Variants in USP47 observed in about 807,000 individuals in gnomAD.
USP47 encodes the protein ubiquitin carboxyl-terminal hydrolase 47.
In USP47, 35 loss-of-function variants were observed where a neutral mutation model predicts 165.1. That is an observed-to-expected ratio of 0.21 (90% CI 0.16 to 0.28). USP47 has a LOEUF of 0.28. USP47 is among the 10% of genes least tolerant of loss of function. The pLI is 1.00. For synonymous variants in USP47, 531 were observed against 544.5 expected (o/e 0.98, Z 0.35); for missense variants, 1,277 against 1,607.4 (o/e 0.79, Z 3.52).
chr11:11,842,166 A>T lies in USP47; in HGVS notation c.-20A>T, dbSNP rs948246137. ...TCCACCCTCCCCCGGCAGGGCGGAG[A>T]GGAGCGGCCGGAGTCAGCGATGGTG... On this transcript the variant is annotated 5_prime_UTR_variant, in exon 1 of 28. Coordinates refer to ENST00000527733, the MANE Select transcript of USP47 (RefSeq NM_001282659.2). 3.2e-6 allele frequency: 5 copies of T among 1,551,978 alleles called. No homozygotes were observed. The highest frequency in any genetic ancestry group is 4.4e-6 in the Non-Finnish European group (5 of 1,146,984).
intron 17 of USP47, 56 bp downstream of exon 17, chr11:11,936,566 G>T (rs981111598): frequency 1.7e-5 from 19 of 1,107,782 alleles, no homozygotes; most frequent in East Asian, 6.1e-5. Context: ...TCATGAGAAA[G>T]TTTTTTTTTT....
In USP47 at chr11:11,942,660, C is replaced by T. The variant is rs1855557860; in HGVS notation, c.2639C>T (p.Thr880Ile). ...GATAATGGGGACAGCAGCAAAAGTACTGAGACAAGTGACTTTGAAAACATC... is the reference window on the plus strand; with the variant it reads ...GATAATGGGGACAGCAGCAAAAGTATTGAGACAAGTGACTTTGAAAACATC... Reference protein sequence around the residue: ...DGDNGDSSKSTETSDFENIES... With the variant: ...DGDNGDSSKSIETSDFENIES... The change falls in exon 20 of 28, where the codon ACT (threonine) becomes ATT (isoleucine). Residue 880 changes from threonine to isoleucine, a missense_variant. By Grantham distance (89) the Thr-to-Ile change is moderately conservative. Transcript: ENST00000527733. 1 of 1,613,336 alleles carries T rather than the reference C, an allele frequency of 6.2e-7. No individual in the cohort carries two copies. The highest frequency in any genetic ancestry group is 1.3e-5 in the African/African-American group (1 of 74,902).
intron 2 of USP47, among the ~76,000 whole-genome samples, chr11:11,884,133 G>T (rs1851005612): frequency 6.6e-6 from 1 of 151,914 alleles, no homozygotes; most frequent in African/African-American, 2.4e-5. Flanking sequence ...ATATCATATT[G>T]CATATATTGT....
At chr11:11,849,376 G>C (rs908865479) in intron 1 of USP47, among the ~76,000 whole-genome samples, 1 of 152,158 alleles carries the variant, frequency 6.6e-6, no homozygotes, top group Non-Finnish European at 1.5e-5. Context: ...GGCAATGTTG[G>C]GGGAGGGGAG....
intron 1 of USP47, among the ~76,000 whole-genome samples, chr11:11,850,428 A>G (rs945794214): frequency 2.2e-5 from 3 of 134,382 alleles, no homozygotes; most frequent in African/African-American, 5.6e-5. Flanking sequence ...AAAATCCTAT[A>G]TTTGTTTTAT....
chr11:11,949,851 A>G (rs1256160469), intron 22 of USP47, 38 bp from the exon 23 acceptor site: 1 of 1,383,236 alleles, frequency 7.2e-7, no homozygotes, highest in Admixed American at 1.8e-5. Flanking sequence ...TACTTAAGGT[A>G]TAATTCAAGC....
chr11:11,923,198 G>GAAACGATGCCTAGTAT (rs1853991094), intron 11 of USP47, among the ~76,000 whole-genome samples: 2 of 151,214 alleles, frequency 1.3e-5, no homozygotes, highest in African/African-American at 4.9e-5. Context: ...ATGCCTAGTA[G>GAAACGATGCCTAGTAT]TCAAGAAACC....
intron 20 of USP47, among the ~76,000 whole-genome samples, chr11:11,946,162 A>G (rs1408911792): frequency 6.6e-6 from 1 of 152,178 alleles, no homozygotes; most frequent in African/African-American, 2.4e-5. Flanking sequence ...TATGCTAAAC[A>G]TTTTACATGT....
At chr11:11,850,658 G>GT (rs1275056249) in intron 1 of USP47, among the ~76,000 whole-genome samples, 1 of 152,086 alleles carries the variant, frequency 6.6e-6, no homozygotes, top group Non-Finnish European at 1.5e-5. Context: ...TGTGATTATG[G>GT]TTTTTTGTGT....
rs1012161079 is a variant in USP47 at position 11,942,539 on chromosome 11, A to G, written c.2518A>G (p.Lys840Glu). The G allele has an allele frequency of 3.7e-6, 6 of 1,613,562 alleles. No individual in the cohort carries two copies. Among genetic ancestry groups the G allele is most frequent in the Non-Finnish European group, 5.1e-6 (6 of 1,179,796 alleles). Residue 840 changes from lysine (K) to glutamate (E), a missense_variant, in exon 20 of 28, where the codon AAA (lysine) becomes GAA (glutamate). Lys to Glu is a moderately conservative substitution (Grantham distance 56). Transcript: ENST00000527733. ...TGTGGATGATGACTGTGAAAGAGTCAAAGGACCTGTAGGAAGCCTAAAGTC... is the reference window on the plus strand; with the variant it reads ...TGTGGATGATGACTGTGAAAGAGTCGAAGGACCTGTAGGAAGCCTAAAGTC... ...GNVDDDCERV[K>E]GPVGSLKSVE...
chr11:11,901,249 A>G (rs1377559636), intron 5 of USP47, among the ~76,000 whole-genome samples: 1 of 152,216 alleles, frequency 6.6e-6, no homozygotes, highest in African/African-American at 2.4e-5. Context: ...AAGAAAAGAA[A>G]AAGTCTTTTA....
At chr11:11,941,270 G>A (rs1855449640) in intron 19 of USP47, among the ~76,000 whole-genome samples, 1 of 151,898 alleles carries the variant, frequency 6.6e-6, no homozygotes, top group Non-Finnish European at 1.5e-5. Flanking sequence ...ATATGTGTGT[G>A]TATATGTAAA....
chr11:11,863,849 T>G (rs1714100456), intron 1 of USP47, among the ~76,000 whole-genome samples: 1 of 152,158 alleles, frequency 6.6e-6, no homozygotes, highest in Admixed American at 6.5e-5. Flanking sequence ...CATACACCAT[T>G]CTTTGAGCGC....
chr11:11,842,676 G>C (rs1237632278), intron 1 of USP47, among the ~76,000 whole-genome samples: 2 of 152,130 alleles, frequency 1.3e-5, no homozygotes, highest in Non-Finnish European at 2.9e-5. Context: ...TGAGATCTGT[G>C]GGAGGGCAGA....
chr11:11,948,021 G>A lies in USP47; in HGVS notation c.3168G>A (p.Leu1056=). 1 of 1,613,354 alleles carries A rather than the reference G, an allele frequency of 6.2e-7. No homozygotes were observed. The highest frequency in any genetic ancestry group is 1.1e-5 in the South Asian group (1 of 91,040). ...ATTTAGAGCCCTTTGTTGGAGTTTT[G>A]TCCTCTCACTTCAAGGTCTTTCGAG... ...KQHLEPFVGV[L]SSHFKVFRVY... Residue 1056 remains leucine, a synonymous_variant, in exon 21 of 28, where the codon TTG becomes TTA. Coordinates refer to ENST00000527733, the MANE Select transcript of USP47 (RefSeq NM_001282659.2).
At position 11,920,377 on chromosome 11, in the gene USP47, C is replaced by T; in HGVS notation, c.1101C>T (p.Thr367=). Residue 367 remains threonine, a synonymous_variant, in exon 10 of 28, where the codon ACC becomes ACT. Transcript: ENST00000527733. The stretch of plus-strand genomic sequence containing the variant: ...TTTTGCATTTTCCTTATCTGCTGAC[C>T]TTACAGCTGAAAAGATTCGATTTTG... ...LRFLHFPYLL[T]LQLKRFDFDY... 1 of 1,610,196 alleles carries T rather than the reference C, an allele frequency of 6.2e-7. No homozygotes were observed. The highest frequency in any genetic ancestry group is 8.5e-7 in the Non-Finnish European group (1 of 1,178,008).
At chr11:11,935,712 G>A (rs1321680393) in intron 16 of USP47, among the ~76,000 whole-genome samples, 1 of 151,926 alleles carries the variant, frequency 6.6e-6, no homozygotes, top group Admixed American at 6.6e-5. Context: ...ACCAGGGTAT[G>A]TCATCTATTG....
chr11:11,939,067 A>G (rs1177102050), intron 18 of USP47, among the ~76,000 whole-genome samples: 3 of 151,988 alleles, frequency 2.0e-5, no homozygotes, highest in African/African-American at 4.8e-5. Flanking sequence ...TGAGCTAGTG[A>G]TAAAGAACAT....
Position 11,960,539 on chromosome 11 carries a change from T to C in USP47, c.*4364T>C, listed in dbSNP as rs894377991. 9.9e-5 allele frequency among the ~76,000 whole-genome samples: 15 copies of C among 152,170 alleles called. No individual in the cohort carries two copies. Among genetic ancestry groups the C allele is most frequent in the African/African-American group, 3.4e-4 (14 of 41,432 alleles). ...CTCAATTTGATCTTCCATGAGTGTC[T>C]CAAAAAGTTCCCCTCAGAAGTTTCA... On this transcript the variant is annotated 3_prime_UTR_variant, in exon 28 of 28. Coordinates refer to ENST00000527733, the MANE Select transcript of USP47 (RefSeq NM_001282659.2).
Sources: allele counts gnomAD v4.1 joint callset (sites outside exome capture counted in the v4.1 genomes callset), GRCh38; gene constraint gnomAD v4.1.1; transcripts MANE v1.5; gene names NCBI Gene and HGNC (gene_info 2026-07-23, HGNC 2026-07-21).